PRAMEF27: variants seen among roughly 807,000 people sequenced by gnomAD.
The protein encoded by PRAMEF27 is PRAME family member 27.
PRAMEF27 carries 5 observed loss-of-function variants against 21.0 expected under a neutral mutation model. That is an observed-to-expected ratio of 0.24 (90% CI 0.12 to 0.50). The LOEUF is 0.50. Among genes scored for constraint, PRAMEF27 ranks in the 20% least tolerant of loss-of-function variants. The probability of loss-of-function intolerance (pLI) is 0.98; values close to 1 mark genes in which losing one functional copy is unlikely to be tolerated. For missense variants in PRAMEF27, 138 were observed against 541.4 expected, an observed-to-expected ratio of 0.25 and a Z score of 7.39; for synonymous variants, 61 against 211.2, an observed-to-expected ratio of 0.29 and a Z score of 6.17.
chr1:13,051,134 C>G (rs1642199060), intron 3 of PRAMEF27: 2 of 153,788 alleles, frequency 1.3e-5, no homozygotes, highest in African/African-American at 4.9e-5. Flanking sequence ...CCCTGACCCT[C>G]TGTTTCAGAA....
rs1313502182 is a variant in PRAMEF27, at chr1:13,053,580, A to G, written c.80T>C (p.Met27Thr). Residue 27 changes from methionine to threonine, a missense_variant, in exon 2 of 4, where the codon ATG becomes ACG. By Grantham distance (81) the Met-to-Thr change is moderately conservative. Coordinates refer to ENST00000436041, the MANE Select transcript of PRAMEF27 (RefSeq NM_001300891.2). ...RSLLRDQALA[M>T]STLEELPTEL... Reference sequence around the variant, plus strand: ...TGTGGGCAGCTCCTCCAGGGTGGACATGGCCAAGGCTTGGTCCCTCAGCAG... The same window carrying G: ...TGTGGGCAGCTCCTCCAGGGTGGACGTGGCCAAGGCTTGGTCCCTCAGCAG... 4.4e-5 allele frequency: 70 copies of G among 1,586,146 alleles called. No individual in the cohort carries two copies. Among genetic ancestry groups the G allele is most frequent in the Non-Finnish European group, 4.8e-5 (57 of 1,177,048 alleles).
In PRAMEF27 at chr1:13,053,669, G is replaced by T; in HGVS notation, c.-10C>A. On this transcript the variant is annotated 5_prime_UTR_variant, in exon 2 of 4. It adds an upstream start codon to the 5' untranslated region. Coordinates refer to ENST00000436041, the MANE Select transcript of PRAMEF27 (RefSeq NM_001300891.2). Reference sequence around the variant, plus strand: ...GGATGCTCATCTTCATGAATCTGCAGGGAAAACTTCCAGAGGACAAACCCA... The same window carrying T: ...GGATGCTCATCTTCATGAATCTGCATGGAAAACTTCCAGAGGACAAACCCA... The T allele has an allele frequency of 6.3e-7, 1 of 1,594,582 alleles. No homozygotes were observed. Among genetic ancestry groups the T allele is most frequent in the Non-Finnish European group, 8.5e-7 (1 of 1,178,774 alleles).
At chr1:13,052,854 AT>A in intron 2 of PRAMEF27, 155 bp from the exon 3 acceptor site, 6 of 1,023,692 alleles carry the variant, frequency 5.9e-6, no homozygotes, top group Non-Finnish European at 6.4e-6. Flanking sequence ...CCACTTCCAC[AT>A]TTTTTTGTTT....
At position 13,053,590 on chromosome 1, in the gene PRAMEF27, C is replaced by G. The variant is rs1210222728; in HGVS notation, c.70G>C (p.Ala24Pro). ...TCCTCCAGGGTGGACATGGCCAAGG[C>G]TTGGTCCCTCAGCAGGCTCCGCCCC... ...LAGRSLLRDQ[A>P]LAMSTLEELP... Residue 24 changes from alanine (A) to proline (P), a missense_variant, in exon 2 of 4, where the codon GCC becomes CCC. Physicochemically the swap from Ala to Pro is conservative, Grantham distance 27 (BLOSUM62 -1). Transcript: ENST00000436041. The G allele has an allele frequency of 2.7e-5, 43 of 1,593,228 alleles. No individual in the cohort carries two copies. The highest frequency in any genetic ancestry group is 1.8e-4 in the Middle Eastern group (1 of 5,694).
Position 13,056,462 on chromosome 1 carries a change from G to A in PRAMEF27, c.-65C>T, listed in dbSNP as rs1642247982. 3.1e-5 allele frequency: 4 copies of A among 128,380 alleles called. No homozygotes were observed. The highest frequency in any genetic ancestry group is 6.1e-5 in the Non-Finnish European group (4 of 65,510). 8.0% of individuals were successfully genotyped at this position (128,380 alleles called of 1,614,324 possible). On this transcript the variant is annotated 5_prime_UTR_variant, in exon 1 of 4. Transcript: ENST00000436041. ...GTGCTCAGACCTCAGGAAGAACCAG[G>A]CAGGAACTCCAGGCTTGAAGACTTT...
At chr1:13,054,385 C>T in intron 1 of PRAMEF27, 3 of 340 alleles carry the variant, frequency 8.8e-3, no homozygotes, top group Non-Finnish European at 0.011. Flanking sequence ...GGATTCTTCC[C>T]CCTCAGCCTC....
At position 13,056,068 on chromosome 1, in the gene PRAMEF27, A is replaced by C. The variant is rs1258161159; in HGVS notation, c.-17+346T>G. ...GAGACTCCATCTCCACCCTCAAAAA[A>C]AACGTTGTGTAGAGGAGGGTTTTTG... On this transcript the variant is annotated intron_variant, in intron 1 of 3. Transcript: ENST00000436041. 2 of 117,274 alleles carry C rather than the reference A, an allele frequency of 1.7e-5. 1 individual carries two copies. The highest frequency in any genetic ancestry group is 4.5e-4 in the East Asian group (2 of 4,398). 7.3% of individuals were successfully genotyped at this position (117,274 alleles called of 1,614,324 possible). A position where few individuals can be genotyped will look rare whatever the true frequency, so the allele number is the denominator to read the frequency against.
At chr1:13,056,204 A>T (rs1427741476) in intron 1 of PRAMEF27, 2 of 118,120 alleles carry the variant, frequency 1.7e-5, no homozygotes, top group African/African-American at 1.2e-4. Flanking sequence ...CAAGAATTTT[A>T]AAATGGCATC....
Position 13,053,574 on chromosome 1 carries a change from G to A in PRAMEF27, c.86C>T (p.Thr29Ile). The change falls in exon 2 of 4, where the codon ACC (threonine) becomes ATC (isoleucine). Residue 29 changes from threonine to isoleucine, a missense_variant. By Grantham distance (89) the Thr-to-Ile change is moderately conservative (BLOSUM62 -1). Transcript: ENST00000436041. ...LLRDQALAMS[T>I]LEELPTELFP... ...AAGTTCTGTGGGCAGCTCCTCCAGG[G>A]TGGACATGGCCAAGGCTTGGTCCCT... The A allele has an allele frequency of 1.3e-6, 2 of 1,585,356 alleles. No individual in the cohort carries two copies. Among genetic ancestry groups the A allele is most frequent in the East Asian group, 2.3e-5 (1 of 44,322 alleles).
chr1:13,053,873 G>A, intron 1 of PRAMEF27, 198 bp from the exon 2 acceptor site: 1 of 761,598 alleles, frequency 1.3e-6, no homozygotes, highest in South Asian at 2.2e-5. Flanking sequence ...CCGAAGCAGT[G>A]AGGAAGCAGG....
rs1371997928 is a variant in PRAMEF27, at chr1:13,049,970, A to G, written c.1275T>C (p.Asp425=). 47 of 1,429,066 alleles carry G rather than the reference A, an allele frequency of 3.3e-5. 11 individuals are homozygous for G. Among genetic ancestry groups the G allele is most frequent in the Non-Finnish European group, 4.0e-5 (43 of 1,086,048 alleles). 88.5% of individuals were successfully genotyped at this position (1,429,066 alleles called of 1,614,324 possible). A position where few individuals can be genotyped will look rare whatever the true frequency, so the allele number is the denominator to read the frequency against. ...YPAPRESYGA[D]GTLCWNRFAQ... The stretch of plus-strand genomic sequence containing the variant: ...CAAATCTGTTCCAGCAGAGAGTACC[A>G]TCAGCACCATAACTCTCCCGCGGGG... The change falls in exon 4 of 4, where the codon GAT becomes GAC. Residue 425 remains aspartate, a synonymous_variant. Coordinates refer to ENST00000436041, the MANE Select transcript of PRAMEF27 (RefSeq NM_001300891.2).
Position 13,056,543 on chromosome 1 carries a change from C to G in PRAMEF27, c.-146G>C, listed in dbSNP as rs1456444715. On this transcript the variant is annotated 5_prime_UTR_variant, in exon 1 of 4. Coordinates refer to ENST00000436041, the MANE Select transcript of PRAMEF27 (RefSeq NM_001300891.2). ...TATTGACCTTTCTAATCACAACTCC[C>G]ACCCACGCCCTTCCACGTGTGCACT... 1.5e-5 allele frequency: 2 copies of G among 129,422 alleles called. No individual in the cohort carries two copies. The highest frequency in any genetic ancestry group is 2.7e-4 in the South Asian group (1 of 3,772). 8.0% of individuals were successfully genotyped at this position (129,422 alleles called of 1,614,324 possible).
At position 13,051,937 on chromosome 1, in the gene PRAMEF27, T is replaced by C. The variant is rs1642210659; in HGVS notation, c.875+181A>G. The C allele has an allele frequency of 1.6e-5, 11 of 672,284 alleles. 2 individuals carry two copies. In the South Asian group the frequency reaches 1.8e-4, roughly 11 times the overall value. The allele number at this position is 672,284 out of a possible 1,614,324, so 41.6% of individuals were successfully genotyped here. A position where few individuals can be genotyped will look rare whatever the true frequency, so the allele number is the denominator to read the frequency against. On this transcript the variant is annotated intron_variant, in intron 3 of 3. Coordinates refer to ENST00000436041, the MANE Select transcript of PRAMEF27 (RefSeq NM_001300891.2). ...CTCCCCTAGCTGATCCCTCTGCCTCTATTGGGATGGTTGCATGATACCCAT... is the reference window on the plus strand; with the variant it reads ...CTCCCCTAGCTGATCCCTCTGCCTCCATTGGGATGGTTGCATGATACCCAT...
At chr1:13,053,910 C>G in intron 1 of PRAMEF27, 2 of 552,430 alleles carry the variant, frequency 3.6e-6, no homozygotes, top group South Asian at 4.9e-5. Context: ...CCTTTCTATC[C>G]AGTGCTCCAT....
rs1376999197 is a variant in PRAMEF27 at position 13,053,542 on chromosome 1, G to C, written c.118C>G (p.Pro40Ala). ...LEELPTELFP[P>A]LFMEAFSRRC... ...CTGCTGAAGGCCTCCATGAACAGTG[G>C]GGGGAAAAGTTCTGTGGGCAGCTCC... Residue 40 changes from proline to alanine, a missense_variant, in exon 2 of 4, where the codon CCA becomes GCA. Transcript: ENST00000436041. The C allele has an allele frequency of 2.6e-6, 4 of 1,528,190 alleles. No homozygotes were observed. Among genetic ancestry groups the C allele is most frequent in the Middle Eastern group, 1.8e-4 (1 of 5,616 alleles). The allele number at this position is 1,528,190 out of a possible 1,614,324, so 94.7% of individuals were successfully genotyped here. A position where few individuals can be genotyped will look rare whatever the true frequency, so the allele number is the denominator to read the frequency against.
Position 13,053,375 on chromosome 1 carries a change from A to T in PRAMEF27, c.285T>A (p.Val95=). Residue 95 remains valine, a synonymous_variant, in exon 2 of 4, where the codon GTT becomes GTA. Coordinates refer to ENST00000436041, the MANE Select transcript of PRAMEF27 (RefSeq NM_001300891.2). Reference sequence around the variant, plus strand: ...CACCTGGGCCACCTCACCTGGGACAAACCCCTTGGGTAAGCAGTGCATCAA... The same window carrying T: ...CACCTGGGCCACCTCACCTGGGACATACCCCTTGGGTAAGCAGTGCATCAA... ...DGLDALLTQG[V]CPRRWKLQVL... The T allele has an allele frequency of 6.7e-7, 1 of 1,482,328 alleles. No individual in the cohort carries two copies. The highest frequency in any genetic ancestry group is 8.9e-7 in the Non-Finnish European group (1 of 1,122,456). 91.8% of individuals were successfully genotyped at this position (1,482,328 alleles called of 1,614,324 possible).
rs1642230196 is a variant in PRAMEF27, at chr1:13,053,843, C to T, written c.-16-168G>A. 4.0e-6 allele frequency: 4 copies of T among 993,044 alleles called. No homozygotes were observed. In the South Asian group the frequency reaches 5.9e-5, roughly 15 times the overall value. The allele number at this position is 993,044 out of a possible 1,614,324, so 61.5% of individuals were successfully genotyped here. On this transcript the variant is annotated intron_variant, in intron 1 of 3. Coordinates refer to ENST00000436041, the MANE Select transcript of PRAMEF27 (RefSeq NM_001300891.2). ...CCATTAAGCCAGCATTGTGCCTCTG[C>T]TGCATCAGCATGAGCGTCTCCGAAG...
rs1480461567 is a variant in PRAMEF27, at chr1:13,049,943, A to C, written c.1302T>G (p.Ala434=). 9.9e-6 allele frequency: 14 copies of C among 1,419,676 alleles called. 3 individuals are homozygous for C. In the East Asian group the frequency reaches 3.1e-4, roughly 32 times the overall value. The allele number at this position is 1,419,676 out of a possible 1,614,324, so 87.9% of individuals were successfully genotyped here. A position where few individuals can be genotyped will look rare whatever the true frequency, so the allele number is the denominator to read the frequency against. ...TGTTCATCAGCTCAGCCCTAATTTG[A>C]GCAAATCTGTTCCAGCAGAGAGTAC... ...ADGTLCWNRF[A]QIRAELMNRV... Residue 434 remains alanine (A), a synonymous_variant, in exon 4 of 4, where the codon GCT becomes GCG. Coordinates refer to ENST00000436041, the MANE Select transcript of PRAMEF27 (RefSeq NM_001300891.2).
intron 1 of PRAMEF27, chr1:13,055,693 T>A (rs1642239709): frequency 6.7e-6 from 1 of 149,532 alleles, no homozygotes; most frequent in Non-Finnish European, 1.5e-5. Flanking sequence ...AGCAGTGGTG[T>A]GAGCATAGCT....
Sources: allele counts gnomAD v4.1 joint callset, GRCh38; gene constraint gnomAD v4.1.1; transcripts MANE v1.5; gene names NCBI Gene and HGNC (gene_info 2026-07-23, HGNC 2026-07-21).